PPP2R3A: variants seen among roughly 807,000 people sequenced by gnomAD.
The protein encoded by PPP2R3A is protein phosphatase 2 regulatory subunit B''alpha, also known as serine/threonine-protein phosphatase 2A regulatory subunit B'' subunit alpha.
Under a neutral mutation model 106.9 loss-of-function variants are expected in PPP2R3A, and 80 were observed. That is an observed-to-expected ratio of 0.75 (90% confidence interval 0.62 to 0.90). PPP2R3A has a LOEUF of 0.90. PPP2R3A is among the 40% of genes least tolerant of loss of function. The probability of loss-of-function intolerance (pLI) is 0.00; values close to 1 mark genes in which losing one functional copy is unlikely to be tolerated. For missense variants in PPP2R3A, 1,386 were observed against 1,350.4 expected (o/e 1.03, Z -0.41); for synonymous variants, 483 against 468.3 (o/e 1.03, Z -0.41).
intron 6 of PPP2R3A, among the ~76,000 whole-genome samples, chr3:136,072,816 A>G (rs1255387811): frequency 6.6e-6 from 1 of 152,204 alleles, no homozygotes; most frequent in Non-Finnish European, 1.5e-5. Flanking sequence ...AGTAAAATGG[A>G]AATAAGTTTT....
intron 5 of PPP2R3A, 88 bp from the exon 6 acceptor site, chr3:136,070,390 T>C: frequency 2.1e-6 from 2 of 968,562 alleles, no homozygotes; most frequent in Non-Finnish European, 3.0e-6. Context: ...GCAAGTTTGC[T>C]CAACTGGCAA....
intron 2 of PPP2R3A, chr3:136,022,969 GA>G (rs1934516339): frequency 6.4e-7 from 1 of 1,557,980 alleles, no homozygotes; most frequent in Admixed American, 2.2e-5. Flanking sequence ...GAGATAAGAA[GA>G]AAAAATACCT....
At chr3:136,125,585 G>A (rs1312964487) in intron 13 of PPP2R3A, among the ~76,000 whole-genome samples, 8 of 151,812 alleles carry the variant, frequency 5.3e-5, no homozygotes, top group African/African-American at 1.5e-4. Flanking sequence ...GGTGGCTCAC[G>A]CCTGTAATCC....
intron 5 of PPP2R3A, among the ~76,000 whole-genome samples, chr3:136,053,739 A>G (rs935523128): frequency 2.0e-5 from 3 of 152,198 alleles, no homozygotes; most frequent in African/African-American, 7.2e-5. Flanking sequence ...AGGTCTCACC[A>G]GTTTACTCTA....
chr3:135,999,468 A>T (rs116195334), intron 1 of PPP2R3A, among the ~76,000 whole-genome samples: 1 of 152,208 alleles, frequency 6.6e-6, no homozygotes, highest in African/African-American at 2.4e-5. Context: ...CTGGGCATCA[A>T]TTGAATTATG....
In PPP2R3A at chr3:136,036,822, C is replaced by T. The variant is rs941940110; in HGVS notation, c.2263-4037C>T. ...CTCAGTCCTCAGAGACTTTTTATTA[C>T]TCCTAATTCTCTTTTAATTTAGCTT... On this transcript the variant is annotated intron_variant, in intron 3 of 13. Transcript: ENST00000264977. Among the ~76,000 whole-genome samples the T allele has an allele frequency of 2.7e-4, 41 of 152,216 alleles. 1 individual carries two copies. Among genetic ancestry groups the T allele is most frequent in the African/African-American group, 9.9e-4 (41 of 41,450 alleles).
rs1309460232 is a variant in PPP2R3A at position 136,030,226 on chromosome 3, G to A, written c.2262+3128G>A. Among the ~76,000 whole-genome samples, 3 of 124,070 alleles carry A rather than the reference G, an allele frequency of 2.4e-5. No homozygotes were observed. The East Asian group carries it at 6.2e-4, about 26-fold the overall frequency. The allele number at this position is 124,070 out of a possible 152,430, so 81.4% of individuals were successfully genotyped here. A position where few individuals can be genotyped will look rare whatever the true frequency, so the allele number is the denominator to read the frequency against. ...GAGTGAGAACCTGTCTCAATAAAAA[G>A]TTGGGGCGGGGGGGATGTGTATATA... On this transcript the variant is annotated intron_variant, in intron 3 of 13. Transcript: ENST00000264977.
intron 13 of PPP2R3A, among the ~76,000 whole-genome samples, chr3:136,138,812 A>C (rs1473957057): frequency 2.2e-5 from 3 of 138,938 alleles, no homozygotes; most frequent in Non-Finnish European, 4.5e-5. Context: ...CCCAGGTTCA[A>C]GCGATTCTCC....
At chr3:135,992,246 G>T (rs1039717608) in intron 1 of PPP2R3A, among the ~76,000 whole-genome samples, 1 of 152,048 alleles carries the variant, frequency 6.6e-6, no homozygotes, top group Non-Finnish European at 1.5e-5. Flanking sequence ...CAAAGTAATA[G>T]TTTTATTATT....
chr3:136,137,119 T>C (rs1270956762), intron 13 of PPP2R3A, among the ~76,000 whole-genome samples: 1 of 152,196 alleles, frequency 6.6e-6, no homozygotes, highest in Non-Finnish European at 1.5e-5. Context: ...ATAATTAACA[T>C]TCTTATGGTT....
At chr3:136,101,622 C>T (rs1260035510) in intron 10 of PPP2R3A, among the ~76,000 whole-genome samples, 1 of 152,108 alleles carries the variant, frequency 6.6e-6, no homozygotes, top group Non-Finnish European at 1.5e-5. Flanking sequence ...GATAGGGTTT[C>T]ACCATGTTGG....
At chr3:136,093,075 G>A (rs1211244326) in intron 10 of PPP2R3A, among the ~76,000 whole-genome samples, 1 of 152,182 alleles carries the variant, frequency 6.6e-6, no homozygotes, top group Non-Finnish European at 1.5e-5. Context: ...AAAAGCATAA[G>A]TATCAAAAGA....
chr3:136,127,723 A>C (rs920352610), intron 13 of PPP2R3A, among the ~76,000 whole-genome samples: 1 of 152,206 alleles, frequency 6.6e-6, no homozygotes, highest in Non-Finnish European at 1.5e-5. Flanking sequence ...AGATTCACCA[A>C]GGTTGAAATG....
intron 1 of PPP2R3A, among the ~76,000 whole-genome samples, chr3:135,988,677 T>C (rs1202000246): frequency 6.6e-6 from 1 of 152,146 alleles, no homozygotes; most frequent in African/African-American, 2.4e-5. Context: ...TCCTTTTGCT[T>C]CCTTTTCCCC....
chr3:136,131,713 A>G (rs927315445), intron 13 of PPP2R3A, among the ~76,000 whole-genome samples: 3 of 152,212 alleles, frequency 2.0e-5, no homozygotes, highest in African/African-American at 7.2e-5. Flanking sequence ...ATACACACAT[A>G]TAAACATATT....
chr3:136,043,141 A>AG (rs1328110110), intron 4 of PPP2R3A, among the ~76,000 whole-genome samples: 1 of 151,988 alleles, frequency 6.6e-6, no homozygotes, highest in Non-Finnish European at 1.5e-5. Context: ...AAAAAAAAAA[A>AG]GAGTCAAATA....
intron 2 of PPP2R3A, among the ~76,000 whole-genome samples, chr3:136,016,711 G>C (rs1328071171): frequency 6.6e-6 from 1 of 151,984 alleles, no homozygotes. Context: ...GTCCTTATAC[G>C]TTAGGTGAGT....
chr3:136,052,390 G>T (rs933402250), intron 5 of PPP2R3A, among the ~76,000 whole-genome samples: 3 of 152,086 alleles, frequency 2.0e-5, no homozygotes, highest in African/African-American at 4.8e-5. Context: ...GCTTCTGCTG[G>T]ACAGCCCCTT....
intron 2 of PPP2R3A, among the ~76,000 whole-genome samples, chr3:136,007,904 T>C (rs1012401992): frequency 6.6e-6 from 1 of 152,204 alleles, no homozygotes; most frequent in Non-Finnish European, 1.5e-5. Flanking sequence ...GAGAAATCTT[T>C]GAAGGTGAGC....
Sources: gnomAD v4.1 joint callset for allele counts (sites outside exome capture counted in the v4.1 genomes callset) on GRCh38, gnomAD v4.1.1 for gene constraint, MANE v1.5 for transcripts, NCBI Gene and HGNC (gene_info 2026-07-23, HGNC 2026-07-21) for gene names.